CD9: variants seen among roughly 807,000 people sequenced by gnomAD.
CD9 encodes CD9 molecule.
CD9 carries 10 observed loss-of-function variants against 31.4 expected under a neutral mutation model. The ratio of observed to expected loss-of-function variants is 0.32; its 90% confidence interval spans 0.20 to 0.54. The LOEUF is 0.54. Ranked by LOEUF, CD9 falls within the 20% of genes least tolerant of loss-of-function variation. The probability of loss-of-function intolerance (pLI) is 0.94; values close to 1 mark genes in which losing one functional copy is unlikely to be tolerated. For synonymous variants in CD9, 113 were observed against 114.1 expected, an observed-to-expected ratio of 0.99 and a Z score of 0.06; for missense variants, 259 against 300.1, an observed-to-expected ratio of 0.86 and a Z score of 1.01.
At chr12:6,208,197 C>G (rs1946152683) in intron 1 of CD9, among the ~76,000 whole-genome samples, 1 of 150,252 alleles carries the variant, frequency 6.7e-6, no homozygotes, top group South Asian at 2.1e-4. Context: ...GCACTCCAGC[C>G]TGGGCGACAA....
In CD9 at chr12:6,229,460, A is replaced by G. The variant is rs117542882; in HGVS notation, c.176-3172A>G. Among the ~76,000 whole-genome samples, 150 of 152,344 alleles carry G rather than the reference A, an allele frequency of 9.8e-4. 3 individuals carry two copies. The East Asian group carries it at 0.027, about 28-fold the overall frequency. On this transcript the variant is annotated intron_variant, in intron 2 of 7. Transcript: ENST00000009180. The stretch of plus-strand genomic sequence containing the variant: ...TACACACCCACTCCCCTCTGGGGCA[A>G]AGAAGTACAGCGTGTGGCAAATGGA...
intron 1 of CD9, among the ~76,000 whole-genome samples, chr12:6,217,385 G>A (rs561609945): frequency 5.5e-4 from 83 of 152,170 alleles, no homozygotes; most frequent in Non-Finnish European, 8.1e-4. Context: ...AAAAAAATTA[G>A]CCATGTATGG....
In CD9 at chr12:6,225,454, G is replaced by C; in HGVS notation, c.95G>C (p.Gly32Ala). 3 of 1,613,398 alleles carry C rather than the reference G, an allele frequency of 1.9e-6. No homozygotes were observed. The highest frequency in any genetic ancestry group is 2.5e-6 in the Non-Finnish European group (3 of 1,179,366). Residue 32 changes from glycine (G) to alanine (A), a missense_variant, in exon 2 of 8, where the codon GGA becomes GCA. Coordinates refer to ENST00000009180, the MANE Select transcript of CD9 (RefSeq NM_001769.4). Reference sequence around the variant, plus strand: ...GCCGGGATTGCTGTCCTTGCCATTGGACTATGGCTCCGATTCGACTCTCAG... The same window carrying C: ...GCCGGGATTGCTGTCCTTGCCATTGCACTATGGCTCCGATTCGACTCTCAG... ...WLAGIAVLAI[G>A]LWLRFDSQTK... is the part of the protein sequence containing the mutation.
At chr12:6,203,346 C>T (rs1946095977) in intron 1 of CD9, among the ~76,000 whole-genome samples, 1 of 152,190 alleles carries the variant, frequency 6.6e-6, no homozygotes, top group South Asian at 2.1e-4. Context: ...ATTATGTTGT[C>T]ACCACGTCCG....
intron 7 of CD9, among the ~76,000 whole-genome samples, chr12:6,237,280 A>G (rs1380898396): frequency 1.3e-5 from 2 of 152,164 alleles, no homozygotes; most frequent in South Asian, 2.1e-4. Context: ...CAGCCAAGAT[A>G]TAACAATACG....
chr12:6,235,446 C>G, intron 5 of CD9, 30 bp from the exon 6 acceptor site: 1 of 1,613,550 alleles, frequency 6.2e-7, no homozygotes, highest in Non-Finnish European at 8.5e-7. Flanking sequence ...ATTTGTTTCT[C>G]TCATCCCCAT....
chr12:6,224,155 C>A (rs1451378777), intron 1 of CD9, among the ~76,000 whole-genome samples: 4 of 152,148 alleles, frequency 2.6e-5, no homozygotes, highest in Non-Finnish European at 4.4e-5. Flanking sequence ...TCTCCCAGAG[C>A]CCATTTGGTA....
chr12:6,226,688 T>C (rs1946370789), intron 2 of CD9, among the ~76,000 whole-genome samples: 1 of 152,134 alleles, frequency 6.6e-6, no homozygotes, highest in South Asian at 2.1e-4. Flanking sequence ...TTTTTTGGGG[T>C]GTGTCTCTCT....
At chr12:6,224,834 G>A (rs749324525) in intron 1 of CD9, among the ~76,000 whole-genome samples, 1 of 152,150 alleles carries the variant, frequency 6.6e-6, no homozygotes, top group Non-Finnish European at 1.5e-5. Flanking sequence ...GGACATTGCA[G>A]CTGCCCTCCC....
intron 1 of CD9, among the ~76,000 whole-genome samples, chr12:6,213,914 G>C (rs886900689): frequency 1.3e-5 from 2 of 152,182 alleles, no homozygotes; most frequent in African/African-American, 4.8e-5. Context: ...GCTGCAGCAG[G>C]CAGGGAAACC....
At chr12:6,234,951 A>C (rs762830784) in intron 4 of CD9, among the ~76,000 whole-genome samples, 20 of 152,186 alleles carry the variant, frequency 1.3e-4, no homozygotes, top group Non-Finnish European at 2.4e-4. Flanking sequence ...TTAGGAGCCA[A>C]GTTAGGAGCC....
chr12:6,202,074 T>C (rs1369556916), intron 1 of CD9, among the ~76,000 whole-genome samples: 2 of 152,124 alleles, frequency 1.3e-5, no homozygotes, highest in Non-Finnish European at 2.9e-5. Context: ...TTATTCCCCC[T>C]GGAGCTGGTC....
At chr12:6,200,592 CCT>C in intron 1 of CD9, 27 bp downstream of exon 1, 1 of 1,524,106 alleles carries the variant, frequency 6.6e-7, no homozygotes. Flanking sequence ...GCCGCGCGCT[CCT>C]CTCAGGGCCC....
At chr12:6,225,221 A>C in intron 1 of CD9, 1 of 565,906 alleles carries the variant, frequency 1.8e-6, no homozygotes, top group Non-Finnish European at 3.1e-6. Context: ...CAGGTAGGTC[A>C]CTGTTTATTC....
chr12:6,200,003 C>G (rs1946053374), upstream of CD9: 1 of 152,220 alleles, frequency 6.6e-6, no homozygotes, highest in South Asian at 2.1e-4. Context: ...GGGGAAGAGT[C>G]TCCCAAAGCA....
chr12:6,207,457 T>C (rs1206331598), intron 1 of CD9, among the ~76,000 whole-genome samples: 3 of 152,248 alleles, frequency 2.0e-5, no homozygotes, highest in East Asian at 1.9e-4. Flanking sequence ...TTCACTCGGT[T>C]AATTTAATGA....
intron 1 of CD9, among the ~76,000 whole-genome samples, chr12:6,208,497 C>A (rs759443531): frequency 1.4e-4 from 21 of 152,086 alleles, no homozygotes; most frequent in Non-Finnish European, 1.2e-4. Context: ...GTTAATCAGG[C>A]AGTTTTATTA....
At chr12:6,233,286 A>C in intron 3 of CD9, 126 bp from the exon 4 acceptor site, 1 of 719,516 alleles carries the variant, frequency 1.4e-6, no homozygotes, top group East Asian at 2.5e-5. Flanking sequence ...CTGCTAGGCT[A>C]TTCATTTGTG....
chr12:6,213,207 A>G (rs1378428779), intron 1 of CD9, among the ~76,000 whole-genome samples: 1 of 152,084 alleles, frequency 6.6e-6, no homozygotes, highest in Admixed American at 6.6e-5. Flanking sequence ...TCTCCTTAAC[A>G]TTTTTCACAG....
Sources: allele counts gnomAD v4.1 joint callset (sites outside exome capture counted in the v4.1 genomes callset), GRCh38; gene constraint gnomAD v4.1.1; transcripts MANE v1.5; gene names NCBI Gene and HGNC (gene_info 2026-07-23, HGNC 2026-07-21).